GPR89B: variants seen among roughly 807,000 people sequenced by gnomAD.
The protein encoded by GPR89B is golgi pH regulator B.
Under a neutral mutation model 52.4 loss-of-function variants are expected in GPR89B, and 25 were observed. That is an observed-to-expected ratio of 0.48 (90% CI 0.35 to 0.67). The LOEUF (loss-of-function observed/expected upper bound fraction) is 0.67, where lower values mean the gene tolerates loss of function less well. Ranked by LOEUF, GPR89B falls within the 30% of genes least tolerant of loss-of-function variation. The pLI, the probability that GPR89B is intolerant of heterozygous loss-of-function variation, is 0.01. For synonymous variants in GPR89B, 52 were observed against 151.2 expected (o/e 0.34, Z 4.81); for missense variants, 146 against 450.2 (o/e 0.32, Z 6.11).
intron 5 of GPR89B, among the ~76,000 whole-genome samples, chr1:147,949,372 G>C (rs1241793600): frequency 7.0e-6 from 1 of 143,400 alleles, no homozygotes; most frequent in African/African-American, 2.7e-5. Context: ...CAGACCGGGT[G>C]GCTGGCTGGG....
chr1:148,008,864 A>G, the GPR89B span, among the ~76,000 whole-genome samples: 1 of 152,214 alleles, frequency 6.6e-6, no homozygotes, highest in Non-Finnish European at 1.5e-5. Flanking sequence ...AGTGCCTGGC[A>G]CATCAGCAGG....
At chr1:147,950,582 G>T (rs369206830) in intron 5 of GPR89B, among the ~76,000 whole-genome samples, 1 of 152,214 alleles carries the variant, frequency 6.6e-6, no homozygotes, top group East Asian at 1.9e-4. Flanking sequence ...CAAGGCAGGC[G>T]GCTGGGAGGT....
At chr1:147,949,863 T>A (rs1209401055) in intron 5 of GPR89B, among the ~76,000 whole-genome samples, 18 of 89,580 alleles carry the variant, frequency 2.0e-4, no homozygotes, top group Middle Eastern at 0.012. Context: ...CACTTCCCAG[T>A]AGGGGCGGCC....
At chr1:147,987,020 G>A (rs1283299295) in intron 11 of GPR89B, among the ~76,000 whole-genome samples, 4 of 151,290 alleles carry the variant, frequency 2.6e-5, no homozygotes, top group African/African-American at 9.7e-5. Flanking sequence ...CAGACTGCGT[G>A]CTACCCCCAG....
rs781949323 is a variant in GPR89B at position 147,928,554 on chromosome 1, C to T, written c.18C>T (p.Asp6=). The change falls in exon 1 of 14, where the codon GAC becomes GAT. Residue 6 remains aspartate, a synonymous_variant. Coordinates refer to ENST00000314163, the MANE Select transcript of GPR89B (RefSeq NM_016334.5). MSFLI[D]SSIMITSQIL... The stretch of plus-strand genomic sequence containing the variant: ...ACTTCGCCATGAGTTTCCTGATCGA[C>T]TCCAGCATCATGATTACCTCCCAGG... 4 of 1,613,946 alleles carry T rather than the reference C, an allele frequency of 2.5e-6. No individual in the cohort carries two copies. The highest frequency in any genetic ancestry group is 8.5e-7 in the Non-Finnish European group (1 of 1,179,820).
intron 1 of GPR89B, 57 bp downstream of exon 1, chr1:147,928,635 C>A: frequency 6.2e-7 from 1 of 1,608,510 alleles, no homozygotes; most frequent in East Asian, 2.2e-5. Context: ...GAATCGCCCT[C>A]TCCGGTCCTC....
chr1:147,930,694 G>C (rs4483466), intron 1 of GPR89B, among the ~76,000 whole-genome samples: 5 of 152,142 alleles, frequency 3.3e-5, no homozygotes, highest in Non-Finnish European at 7.4e-5. Flanking sequence ...GTCACGTATT[G>C]AATCTTGCTC....
chr1:148,008,061 TG>T, the GPR89B span, among the ~76,000 whole-genome samples: 5 of 151,476 alleles, frequency 3.3e-5, no homozygotes, highest in Non-Finnish European at 7.4e-5. Flanking sequence ...GTAAGGTAAC[TG>T]AAACTATGGA....
chr1:147,990,404 T>C (rs1658973079), intron 12 of GPR89B, among the ~76,000 whole-genome samples: 1 of 152,214 alleles, frequency 6.6e-6, no homozygotes, highest in South Asian at 2.1e-4. Flanking sequence ...AGGTTGCCTG[T>C]TCACTCTGAT....
intron 5 of GPR89B, among the ~76,000 whole-genome samples, chr1:147,947,465 A>G (rs1379412264): frequency 2.0e-5 from 3 of 152,060 alleles, no homozygotes; most frequent in African/African-American, 7.2e-5. Context: ...AGAGATTACA[A>G]AAGACTGTAA....
the GPR89B span, chr1:148,009,448 G>T: frequency 1.6e-3 from 2,545 of 1,600,788 alleles, 37 homozygotes; most frequent in East Asian, 3.4e-3. Flanking sequence ...ACAGGGGAAA[G>T]TATATTATCA....
In GPR89B at chr1:147,969,864, C is replaced by T. The variant is rs1657289340; in HGVS notation, c.817-3C>T. 1.4e-6 allele frequency: 2 copies of T among 1,429,780 alleles called. No individual in the cohort carries two copies. The highest frequency in any genetic ancestry group is 2.7e-5 in the South Asian group (2 of 75,022). 88.6% of individuals were successfully genotyped at this position (1,429,780 alleles called of 1,614,324 possible). A position where few individuals can be genotyped will look rare whatever the true frequency, so the allele number is the denominator to read the frequency against. The stretch of plus-strand genomic sequence containing the variant: ...ACTATGTTTTGTGTTTGTTTTCCCC[C>T]AGGAGAGAATAGAATACTCCAAAAC... On this transcript the variant is annotated splice_region_variant and splice_polypyrimidine_tract_variant and intron_variant, in intron 9 of 13. Coordinates refer to ENST00000314163, the MANE Select transcript of GPR89B (RefSeq NM_016334.5).
intron 5 of GPR89B, among the ~76,000 whole-genome samples, chr1:147,950,034 ACCTC>A (rs1266758822): frequency 9.2e-6 from 1 of 108,254 alleles, no homozygotes; most frequent in Non-Finnish European, 1.9e-5. Context: ...TGACCTCCCC[ACCTC>A]CCTCCCGGAC....
intron 10 of GPR89B, among the ~76,000 whole-genome samples, chr1:147,985,145 G>A (rs1336324708): frequency 6.6e-6 from 1 of 151,998 alleles, no homozygotes; most frequent in Non-Finnish European, 1.5e-5. Context: ...TCTGTCATTA[G>A]GTATATAAAC....
intron 3 of GPR89B, among the ~76,000 whole-genome samples, chr1:147,940,339 C>T (rs1571230317): frequency 6.6e-6 from 1 of 151,606 alleles, no homozygotes; most frequent in Non-Finnish European, 1.5e-5. Flanking sequence ...GGAGGCAGAG[C>T]TTGCAGTGAG....
At chr1:148,015,293 A>ATTC in the GPR89B span, among the ~76,000 whole-genome samples, 4 of 69,860 alleles carry the variant, frequency 5.7e-5, 2 homozygotes, top group Non-Finnish European at 1.1e-4. Context: ...GGATTCTAGG[A>ATTC]TCTCTCTCTC....
At chr1:147,943,627 C>T in intron 4 of GPR89B, 83 bp downstream of exon 4, 2 of 1,340,126 alleles carry the variant, frequency 1.5e-6, no homozygotes, top group Non-Finnish European at 2.0e-6. Flanking sequence ...TTCATTTCTA[C>T]ATTAACTTTC....
chr1:148,015,623 TTTTGTTTGTTTG>T, the GPR89B span, among the ~76,000 whole-genome samples: 29 of 142,576 alleles, frequency 2.0e-4, 1 homozygote, highest in Admixed American at 5.2e-4. Context: ...CTTCTCTCTA[TTTTGTTTGTTTG>T]TTTGTTTGTT....
intron 1 of GPR89B, among the ~76,000 whole-genome samples, chr1:147,935,017 C>A (rs2149034925): frequency 6.6e-6 from 1 of 151,422 alleles, no homozygotes; most frequent in South Asian, 2.1e-4. Flanking sequence ...TTTTTGTCCT[C>A]ATAGAGCTTA....
Sources: gnomAD v4.1 joint callset for allele counts (sites outside exome capture counted in the v4.1 genomes callset) on GRCh38, gnomAD v4.1.1 for gene constraint, MANE v1.5 for transcripts, NCBI Gene and HGNC (gene_info 2026-07-23, HGNC 2026-07-21) for gene names.